CACNB4: variants seen among roughly 807,000 people sequenced by gnomAD.
CACNB4 encodes the protein calcium voltage-gated channel auxiliary subunit beta 4, also known as voltage-dependent L-type calcium channel subunit beta-4.
CACNB4 carries 32 observed loss-of-function variants against 71.2 expected under a neutral mutation model. That is an observed-to-expected ratio of 0.45 (90% CI 0.34 to 0.60). The LOEUF (loss-of-function observed/expected upper bound fraction) is 0.60. CACNB4 is among the 20% of genes least tolerant of loss of function. The pLI is 0.01. For missense variants in CACNB4, 464 were observed against 647.9 expected, an observed-to-expected ratio of 0.72 and a Z score of 3.08; for synonymous variants, 231 against 236.9, an observed-to-expected ratio of 0.97 and a Z score of 0.23.
At chr2:151,901,174 A>T (rs940326873) in intron 2 of CACNB4, among the ~76,000 whole-genome samples, 1 of 151,880 alleles carries the variant, frequency 6.6e-6, no homozygotes, top group Admixed American at 6.6e-5. Context: ...TTGTAGAGAC[A>T]GGGTTTTGCC....
chr2:152,073,272 T>G (rs1450068991), intron 2 of CACNB4, among the ~76,000 whole-genome samples: 1 of 152,140 alleles, frequency 6.6e-6, no homozygotes, highest in Non-Finnish European at 1.5e-5. Flanking sequence ...ATTTCCTTAT[T>G]GAAGGGAGCC....
At chr2:152,070,078 C>T (rs986041194) in intron 2 of CACNB4, among the ~76,000 whole-genome samples, 5 of 152,044 alleles carry the variant, frequency 3.3e-5, no homozygotes, top group Admixed American at 6.6e-5. Flanking sequence ...CTCCTGACCT[C>T]GTGATCCGCC....
rs1281357135 is a variant in CACNB4 at position 152,024,567 on chromosome 2, TGAA to T, written c.147+73760_147+73762del. Among the ~76,000 whole-genome samples the T allele has an allele frequency of 2.0e-5, 3 of 152,236 alleles. No individual in the cohort carries two copies. The East Asian group carries it at 5.8e-4, about 29-fold the overall frequency. ...AAAAGATTATGTATTACTTTGGCTT[TGAA>T]TTGTGAAACAAAGCAGTAAGAAATA... On this transcript the variant is annotated intron_variant, in intron 2 of 13. Transcript: ENST00000539935.
chr2:152,019,877 G>C (rs1683558667), intron 2 of CACNB4, among the ~76,000 whole-genome samples: 1 of 152,214 alleles, frequency 6.6e-6, no homozygotes, highest in South Asian at 2.1e-4. Flanking sequence ...CAGGAGGACT[G>C]TGCAGTGGGT....
chr2:151,883,621 T>C, intron 2 of CACNB4: 3 of 486,016 alleles, frequency 6.2e-6, no homozygotes, highest in Non-Finnish European at 1.1e-5. Flanking sequence ...ATGAAAATTA[T>C]GTGATACTCA....
At chr2:151,935,428 G>A (rs987882545) in intron 2 of CACNB4, among the ~76,000 whole-genome samples, 6 of 152,166 alleles carry the variant, frequency 3.9e-5, no homozygotes, top group Non-Finnish European at 8.8e-5. Context: ...GCATGAGGCC[G>A]AATTCATGGA....
At chr2:151,966,900 C>CACCCAAAAATGTAATGATAGA (rs1190392669) in intron 2 of CACNB4, among the ~76,000 whole-genome samples, 1 of 152,050 alleles carries the variant, frequency 6.6e-6, no homozygotes, top group Non-Finnish European at 1.5e-5. Context: ...TCTTCAAAAC[C>CACCCAAAAATGTAATGATAGA]ACCCAAAAAG....
At chr2:151,853,996 T>G (rs1023516404) in intron 11 of CACNB4, 1 of 155,672 alleles carries the variant, frequency 6.4e-6, no homozygotes, top group Non-Finnish European at 1.4e-5. Flanking sequence ...AATTTTAAAT[T>G]AATCAGACTA....
At chr2:151,924,479 T>A (rs751945179) in intron 2 of CACNB4, among the ~76,000 whole-genome samples, 2 of 151,360 alleles carry the variant, frequency 1.3e-5, no homozygotes, top group Non-Finnish European at 2.9e-5. Context: ...TAATAATATA[T>A]GGAGGGATCT....
intron 2 of CACNB4, among the ~76,000 whole-genome samples, chr2:151,964,231 GA>G (rs932653870): frequency 3.3e-5 from 5 of 151,872 alleles, no homozygotes; most frequent in East Asian, 1.9e-4. Context: ...CCATTGATAT[GA>G]AAAAAAATCC....
chr2:152,098,845 TG>T lies in CACNB4; in HGVS notation c.63+103del. Reference sequence around the variant, plus strand: ...GAGCGGGGCCGCCGACTCCCGGGACTGGGGCCCCGCACGCCCGGCACGAAGG... The same window carrying T: ...GAGCGGGGCCGCCGACTCCCGGGACTGGGCCCCGCACGCCCGGCACGAAGG... On this transcript the variant is annotated intron_variant, in intron 1 of 13. Transcript: ENST00000539935. This position sits in a 1 kb window ranked among gnomAD's most constrained non-coding sequence, Gnocchi z 5.3. 1 of 863,406 alleles carries T rather than the reference TG, an allele frequency of 1.2e-6. No homozygotes were observed. The allele number at this position is 863,406 out of a possible 1,614,324, so 53.5% of individuals were successfully genotyped here.
At chr2:151,960,631 G>T (rs1160493046) in intron 2 of CACNB4, among the ~76,000 whole-genome samples, 14 of 152,156 alleles carry the variant, frequency 9.2e-5, no homozygotes. Context: ...CCATATCCCA[G>T]TGATGGGTTA....
At chr2:151,950,198 G>C (rs2099866591) in intron 2 of CACNB4, among the ~76,000 whole-genome samples, 1 of 151,878 alleles carries the variant, frequency 6.6e-6, no homozygotes, top group African/African-American at 2.4e-5. Context: ...GACCTGGGGA[G>C]ACATTAAAAA....
chr2:151,937,035 C>A (rs1472079032), intron 2 of CACNB4, among the ~76,000 whole-genome samples: 1 of 152,154 alleles, frequency 6.6e-6, no homozygotes, highest in African/African-American at 2.4e-5. Context: ...CTCAGAGAGG[C>A]CTTCTCAGAG....
rs1040323538 is a variant in CACNB4, at chr2:152,032,638, A to C, written c.147+65692T>G. Among the ~76,000 whole-genome samples the C allele has an allele frequency of 5.7e-4, 86 of 152,194 alleles. 2 individuals are homozygous for C. The highest frequency in any genetic ancestry group is 6.5e-5 in the Admixed American group (1 of 15,278). Reference sequence around the variant, plus strand: ...TTAATGCATTTTCTCTCTCCAAAGAAAGTCTCAATATACTTTATATGTTTC... The same window carrying C: ...TTAATGCATTTTCTCTCTCCAAAGACAGTCTCAATATACTTTATATGTTTC... On this transcript the variant is annotated intron_variant, in intron 2 of 13. Coordinates refer to ENST00000539935, the MANE Select transcript of CACNB4 (RefSeq NM_000726.5).
chr2:152,080,887 C>T (rs930693680), intron 2 of CACNB4, among the ~76,000 whole-genome samples: 1 of 151,982 alleles, frequency 6.6e-6, no homozygotes, highest in Non-Finnish European at 1.5e-5. Context: ...CACCTTCCCC[C>T]TCTTGCTCCC....
intron 2 of CACNB4, among the ~76,000 whole-genome samples, chr2:151,889,617 C>T (rs12612630): frequency 0.035 from 5,253 of 152,232 alleles, 146 homozygotes; most frequent in East Asian, 0.11. Flanking sequence ...AGAAGGAACA[C>T]AGCCCATTCT....
At chr2:152,067,287 T>C (rs1686391542) in intron 2 of CACNB4, among the ~76,000 whole-genome samples, 2 of 152,142 alleles carry the variant, frequency 1.3e-5, no homozygotes, top group South Asian at 2.1e-4. Context: ...ATATATTTTA[T>C]ATGGCTCCTC....
At chr2:151,884,070 G>A (rs1216572895) in intron 2 of CACNB4, 1 of 153,140 alleles carries the variant, frequency 6.5e-6, no homozygotes, top group African/African-American at 2.4e-5. Flanking sequence ...GGGAGGCCAA[G>A]GTGGGTGGAT....
Sources: gnomAD v4.1 joint callset for allele counts (sites outside exome capture counted in the v4.1 genomes callset) on GRCh38, gnomAD v4.1.1 for gene constraint, Gnocchi (gnomAD v3.1) non-coding constraint, MANE v1.5 for transcripts, NCBI Gene and HGNC (gene_info 2026-07-23, HGNC 2026-07-21) for gene names.